Variants in LMF1 observed in about 807,000 individuals in gnomAD.
The protein encoded by LMF1 is lipase maturation factor 1.
A neutral mutation model predicts 60.6 loss-of-function variants in LMF1; 68 were observed. That is an observed-to-expected ratio of 1.12 (90% confidence interval 0.92 to 1.37). The LOEUF (loss-of-function observed/expected upper bound fraction) is 1.37. Ranked by LOEUF, LMF1 falls within the 40% of genes most tolerant of loss-of-function variation. The pLI, the probability that LMF1 is intolerant of heterozygous loss-of-function variation, is 0.00. For missense variants in LMF1, 948 were observed against 767.2 expected, an observed-to-expected ratio of 1.24 and a Z score of -2.78; for synonymous variants, 418 against 324.7, an observed-to-expected ratio of 1.29 and a Z score of -3.09.
chr16:938,944 A>G (rs186564020), intron 2 of LMF1, among the ~76,000 whole-genome samples: 2 of 152,372 alleles, frequency 1.3e-5, no homozygotes, highest in East Asian at 1.9e-4. Context: ...GACTGGACAC[A>G]AGAGGAAACC....
At chr16:872,935 G>C (rs1255535755) in intron 6 of LMF1, 2 of 152,278 alleles carry the variant, frequency 1.3e-5, no homozygotes, top group African/African-American at 4.8e-5. Flanking sequence ...CTGGGTCAGG[G>C]TGGGCCCTGC....
rs970982414 is a variant in LMF1, at chr16:853,893, G to T, written c.*639C>A. On this transcript the variant is annotated 3_prime_UTR_variant, in exon 11 of 11. Transcript: ENST00000262301. Reference sequence around the variant, plus strand: ...ACACCAGTCATGGGGGGATGAAACCGGGCCAAGAACACATGTGTGCACAGG... The same window carrying T: ...ACACCAGTCATGGGGGGATGAAACCTGGCCAAGAACACATGTGTGCACAGG... The T allele has an allele frequency of 2.2e-6, 1 of 454,112 alleles. No individual in the cohort carries two copies. The highest frequency in any genetic ancestry group is 2.3e-5 in the Admixed American group (1 of 42,574). 28.1% of individuals were successfully genotyped at this position (454,112 alleles called of 1,614,324 possible).
intron 5 of LMF1, among the ~76,000 whole-genome samples, chr16:889,383 G>A (rs1273252797): frequency 6.8e-6 from 1 of 147,516 alleles, no homozygotes; most frequent in Non-Finnish European, 1.5e-5. Flanking sequence ...TGAGGCTGCG[G>A]ATGGCCGTGG....
chr16:967,409 G>A (rs1438090358), intron 1 of LMF1, among the ~76,000 whole-genome samples: 1 of 152,222 alleles, frequency 6.6e-6, no homozygotes, highest in Non-Finnish European at 1.5e-5. Flanking sequence ...GTTCCGGTGA[G>A]CCTGGGCATG....
At chr16:954,178 G>A (rs947540932) in intron 2 of LMF1, 179 bp downstream of exon 2, 2 of 721,868 alleles carry the variant, frequency 2.8e-6, no homozygotes, top group Non-Finnish European at 4.9e-6. Context: ...CTGAAGATGG[G>A]TGGCTGCTGT....
chr16:954,595 C>T lies in LMF1; in HGVS notation c.265G>A (p.Val89Met), dbSNP rs1264648832. Residue 89 changes from valine to methionine, a missense_variant, in exon 2 of 11, where the codon GTG becomes ATG. Coordinates refer to ENST00000262301, the MANE Select transcript of LMF1 (RefSeq NM_022773.4). ...TACTGCTGGAAGTTCTTCAGGAACA[C>T]TCTGCAGGGAAGCAGCCCCCTGTCA... is the stretch of plus-strand genomic sequence containing the variant. ...IGDRGLLPCR[V>M]FLKNFQQYFQ... is the part of the protein sequence containing the mutation. 10 of 1,612,428 alleles carry T rather than the reference C, an allele frequency of 6.2e-6. No homozygotes were observed. Among genetic ancestry groups the T allele is most frequent in the Non-Finnish European group, 8.5e-6 (10 of 1,179,230 alleles).
intron 1 of LMF1, chr16:976,501 C>G (rs1321925544): frequency 2.2e-6 from 1 of 454,016 alleles, no homozygotes. Flanking sequence ...GAAGGTGACG[C>G]TCTCTGGGAG....
At chr16:944,804 C>G (rs28485327) in intron 2 of LMF1, among the ~76,000 whole-genome samples, 1,534 of 152,334 alleles carry the variant, frequency 0.01, 28 homozygotes, top group African/African-American at 0.035. Flanking sequence ...TCTACGGCCC[C>G]AGTGCCCTAA....
At chr16:979,189 C>A in intron 1 of LMF1, 1 of 430,950 alleles carries the variant, frequency 2.3e-6, no homozygotes, top group Non-Finnish European at 4.7e-6. Flanking sequence ...AAGCTCCGTC[C>A]CGGCGTCCTC....
In LMF1 at chr16:874,947, A is replaced by G. The variant is rs75342379; in HGVS notation, c.898-3606T>C. Among the ~76,000 whole-genome samples, 2,012 of 152,240 alleles carry G rather than the reference A, an allele frequency of 0.013. 36 individuals are homozygous for G. Among genetic ancestry groups the G allele is most frequent in the East Asian group, 0.047 (244 of 5,182 alleles). On this transcript the variant is annotated intron_variant, in intron 6 of 10. Coordinates refer to ENST00000262301, the MANE Select transcript of LMF1 (RefSeq NM_022773.4). The surrounding 1 kb of genome is among the most constrained non-coding windows in gnomAD (Gnocchi z 4.1). Reference sequence around the variant, plus strand: ...GTACGCCTGTGGGGGCAAAAGCCCTAGTTCAAGACCCCACACTGCCTGTGA... The same window carrying G: ...GTACGCCTGTGGGGGCAAAAGCCCTGGTTCAAGACCCCACACTGCCTGTGA...
intron 4 of LMF1, chr16:893,416 A>C (rs779564458): frequency 2.1e-6 from 1 of 468,102 alleles, no homozygotes; most frequent in Non-Finnish European, 4.3e-6. Flanking sequence ...CGCCCTGCAC[A>C]GACCCCACGG....
chr16:893,528 G>T (rs1324675844), intron 4 of LMF1, among the ~76,000 whole-genome samples: 1 of 152,174 alleles, frequency 6.6e-6, no homozygotes, highest in African/African-American at 2.4e-5. Context: ...GCGGCACAAA[G>T]GGAGCCGAGG....
chr16:920,041 C>T (rs911291436), intron 3 of LMF1, among the ~76,000 whole-genome samples: 1 of 152,186 alleles, frequency 6.6e-6, no homozygotes, highest in African/African-American at 2.4e-5. Flanking sequence ...CCGGCCCTGG[C>T]CCGTCGGCTT....
At chr16:932,310 G>T (rs1415520423) in intron 3 of LMF1, among the ~76,000 whole-genome samples, 3 of 152,190 alleles carry the variant, frequency 2.0e-5, no homozygotes, top group Non-Finnish European at 4.4e-5. Flanking sequence ...CGGCAGCACC[G>T]TGGCCTCGCA....
chr16:958,376 G>T (rs1412780706), intron 1 of LMF1, among the ~76,000 whole-genome samples: 3 of 152,126 alleles, frequency 2.0e-5, no homozygotes, highest in East Asian at 3.8e-4. Flanking sequence ...AATATTTAAA[G>T]AACTTTTAAA....
chr16:896,187 C>T (rs13335253), intron 4 of LMF1, among the ~76,000 whole-genome samples: 1 of 90,494 alleles, frequency 1.1e-5, no homozygotes, highest in Non-Finnish European at 2.0e-5. Context: ...GCAGGCTGCA[C>T]GGTCCACAGA....
chr16:880,972 C>T (rs555220770), intron 5 of LMF1, among the ~76,000 whole-genome samples: 17 of 152,328 alleles, frequency 1.1e-4, no homozygotes, highest in East Asian at 1.9e-4. Flanking sequence ...CTGGCACAGC[C>T]GCAGAAACCC....
chr16:898,590 C>T (rs2070726277), intron 4 of LMF1, among the ~76,000 whole-genome samples: 1 of 152,246 alleles, frequency 6.6e-6, no homozygotes. Context: ...GGATTTGGGG[C>T]ACATGCTGTC....
At chr16:887,367 A>G (rs1255567303) in intron 5 of LMF1, among the ~76,000 whole-genome samples, 1 of 152,158 alleles carries the variant, frequency 6.6e-6, no homozygotes, top group African/African-American at 2.4e-5. Flanking sequence ...CAGCCACAAG[A>G]TACACTGCGT....
Sources: gnomAD v4.1 joint callset for allele counts (sites outside exome capture counted in the v4.1 genomes callset) on GRCh38, gnomAD v4.1.1 for gene constraint, Gnocchi (gnomAD v3.1) non-coding constraint, MANE v1.5 for transcripts, NCBI Gene and HGNC (gene_info 2026-07-23, HGNC 2026-07-21) for gene names.